The following ASAH2 variants were observed in gnomAD, a reference collection of about 807,000 sequenced individuals.
ASAH2 encodes neutral ceramidase.
Under a neutral mutation model 82.9 loss-of-function variants are expected in ASAH2, and 58 were observed. The observed-to-expected ratio is 0.70, with a 90% CI of 0.57 to 0.87. The LOEUF (loss-of-function observed/expected upper bound fraction) is 0.87, where lower values mean the gene tolerates loss of function less well. Ranked by LOEUF, ASAH2 falls within the 40% of genes least tolerant of loss-of-function variation. ASAH2 has a pLI of 0.00. For synonymous variants in ASAH2, 276 were observed against 289.7 expected (o/e 0.95, Z 0.48); for missense variants, 779 against 834.0 (o/e 0.93, Z 0.81).
intron 4 of ASAH2, among the ~76,000 whole-genome samples, chr10:50,239,939 C>T (rs1001178404): frequency 1.5e-4 from 23 of 150,222 alleles, no homozygotes; most frequent in Non-Finnish European, 2.8e-4. Context: ...AAGCCATTCT[C>T]CTGCCTTGGT....
In ASAH2 at chr10:50,204,970, C is replaced by T; in HGVS notation, c.1531-15G>A. 2 of 1,574,446 alleles carry T rather than the reference C, an allele frequency of 1.3e-6. No homozygotes were observed. Among genetic ancestry groups the T allele is most frequent in the South Asian group, 1.1e-5 (1 of 87,492 alleles). ...GGTTTTGATAGCTGAGAACCCAAAA[C>T]AAGAAAATTATGTTAGGGATAACAC... is the stretch of plus-strand genomic sequence containing the variant. On this transcript the variant is annotated splice_polypyrimidine_tract_variant and intron_variant, in intron 13 of 20. Coordinates refer to ENST00000682911, the MANE Select transcript of ASAH2 (RefSeq NM_019893.4).
Position 50,216,078 on chromosome 10 carries a change from A to C in ASAH2, c.1015-1210T>G, listed in dbSNP as rs980433331. Among the ~76,000 whole-genome samples the C allele has an allele frequency of 5.3e-5, 8 of 150,492 alleles. No individual in the cohort carries two copies. The East Asian group carries it at 1.6e-3, about 30-fold the overall frequency. ...ACACAAGAACAGAAAACCAAACACCACATGTTCTCATAAGTGGGAGTTGAA... is the reference window on the plus strand; with the variant it reads ...ACACAAGAACAGAAAACCAAACACCCCATGTTCTCATAAGTGGGAGTTGAA... On this transcript the variant is annotated intron_variant, in intron 8 of 20. Coordinates refer to ENST00000682911, the MANE Select transcript of ASAH2 (RefSeq NM_019893.4).
intron 8 of ASAH2, among the ~76,000 whole-genome samples, chr10:50,217,384 T>C (rs1383743098): frequency 1.3e-5 from 2 of 151,878 alleles, no homozygotes; most frequent in Admixed American, 6.6e-5. Context: ...CACACCACCA[T>C]GCCCGATTAA....
chr10:50,234,457 A>G lies in ASAH2; in HGVS notation c.783T>C (p.Ser261=), dbSNP rs753088422. The change falls in exon 6 of 21, where the codon TCT becomes TCC. Residue 261 remains serine (S), a synonymous_variant. Transcript: ENST00000682911. Reference sequence around the variant, plus strand: ...TCTCTGACTGCGGATTTTGAAGGTAAGAATACGGACTTCTGTTGATCTGCA... The same window carrying G: ...TCTCTGACTGCGGATTTTGAAGGTAGGAATACGGACTTCTGTTGATCTGCA... ...DGVQINRSPY[S]YLQNPQSERA... 1.1e-5 allele frequency: 17 copies of G among 1,612,956 alleles called. No individual in the cohort carries two copies. Among genetic ancestry groups the G allele is most frequent in the Non-Finnish European group, 1.4e-5 (17 of 1,179,308 alleles).
chr10:50,197,937 TAAATA>T (rs1845028680), intron 17 of ASAH2, among the ~76,000 whole-genome samples: 1 of 151,864 alleles, frequency 6.6e-6, no homozygotes, highest in African/African-American at 2.4e-5. Flanking sequence ...TAGAAATAAA[TAAATA>T]AATACAAACA....
At chr10:50,202,971 G>A (rs993133815) in intron 15 of ASAH2, 47 bp from the exon 16 acceptor site, 27 of 1,189,082 alleles carry the variant, frequency 2.3e-5, no homozygotes, top group Admixed American at 3.4e-5. Flanking sequence ...TCATCTTTAC[G>A]TATATTTTCA....
At chr10:50,227,344 TG>T (rs1311451222) in intron 7 of ASAH2, among the ~76,000 whole-genome samples, 140,602 of 152,164 alleles carry the variant, frequency 0.92, 65,983 homozygotes, top group East Asian at 1. Flanking sequence ...TACTTGTTTT[TG>T]CAGTGATGGA....
chr10:50,248,806 C>A (rs1162580204), intron 1 of ASAH2, among the ~76,000 whole-genome samples, 160 bp from the exon 2 acceptor site: 1 of 152,226 alleles, frequency 6.6e-6, no homozygotes, highest in Admixed American at 6.5e-5. Context: ...CAAGACCAAT[C>A]AATTACAGCA....
intron 10 of ASAH2, among the ~76,000 whole-genome samples, chr10:50,211,665 C>T (rs1589331749): frequency 6.6e-6 from 1 of 152,152 alleles, no homozygotes; most frequent in African/African-American, 2.4e-5. Flanking sequence ...TCAATTGATG[C>T]TTTTTCAATC....
chr10:50,203,765 T>C (rs1414233025), intron 14 of ASAH2, 86 bp from the exon 15 acceptor site: 6 of 1,103,208 alleles, frequency 5.4e-6, no homozygotes, highest in Non-Finnish European at 4.2e-6. Flanking sequence ...AGCCAAAAAA[T>C]TACCCTGGCT....
intron 2 of ASAH2, among the ~76,000 whole-genome samples, chr10:50,246,621 G>A (rs1321142986): frequency 6.6e-6 from 1 of 152,118 alleles, no homozygotes; most frequent in Non-Finnish European, 1.5e-5. Context: ...TGAGAAAACT[G>A]AAAGTCAGAA....
At chr10:50,206,239 TG>T (rs1845292764) in intron 12 of ASAH2, 142 bp from the exon 13 acceptor site, 1 of 713,120 alleles carries the variant, frequency 1.4e-6, no homozygotes, top group Non-Finnish European at 2.5e-6. Context: ...CCAAACAGTT[TG>T]AGTAATAGAA....
chr10:50,202,500 T>G (rs919294861), intron 16 of ASAH2, among the ~76,000 whole-genome samples: 49 of 152,186 alleles, frequency 3.2e-4, no homozygotes, highest in Middle Eastern at 3.4e-3. Flanking sequence ...TCTCCAGTGC[T>G]ACAGAGGCTT....
At chr10:50,247,771 C>T (rs983926904) in intron 2 of ASAH2, among the ~76,000 whole-genome samples, 1 of 152,078 alleles carries the variant, frequency 6.6e-6, no homozygotes, top group South Asian at 2.1e-4. Flanking sequence ...GAGGCTCCAC[C>T]AAGACCCACT....
At chr10:50,203,581 T>TAAGAGGG in intron 15 of ASAH2, 59 bp downstream of exon 15, 1 of 1,345,052 alleles carries the variant, frequency 7.4e-7, no homozygotes, top group Non-Finnish European at 1.1e-6. Context: ...AGGGATAGGA[T>TAAGAGGG]ATACTTTCCT....
intron 3 of ASAH2, among the ~76,000 whole-genome samples, chr10:50,243,742 C>A (rs1465005816): frequency 6.6e-6 from 1 of 152,150 alleles, no homozygotes; most frequent in Non-Finnish European, 1.5e-5. Context: ...TAAGGTACTA[C>A]AGGAAAAAAT....
In ASAH2 at chr10:50,244,415, C is replaced by A. The variant is rs374104883; in HGVS notation, c.360+807G>T. ...GCCCCCTCTACTGTTTGCATTACCC[C>A]TCCTGGGAGTGTTTATTTAGGGTTC... On this transcript the variant is annotated intron_variant, in intron 3 of 20. Transcript: ENST00000682911. Among the ~76,000 whole-genome samples, 8 of 152,340 alleles carry A rather than the reference C, an allele frequency of 5.3e-5. 1 individual carries two copies. Among genetic ancestry groups the A allele is most frequent in the African/African-American group, 1.4e-4 (6 of 41,570 alleles).
chr10:50,233,975 A>T (rs1366024253), intron 6 of ASAH2, among the ~76,000 whole-genome samples: 5 of 152,270 alleles, frequency 3.3e-5, no homozygotes, highest in Non-Finnish European at 5.9e-5. Context: ...GTGGACTAAG[A>T]TGATTTATTC....
chr10:50,199,140 G>T lies in ASAH2; in HGVS notation c.1768C>A (p.Arg590=), dbSNP rs1194660932. ...ITTYEEYQAQ[R]YEAASTIYGP... ...TAAATTGTCGATGCTGCCTCATATC[G>T]CTGAGCCTGCAGGAAAGGCAGGGAG... is the stretch of plus-strand genomic sequence containing the variant. The change falls in exon 17 of 21, where the codon CGA becomes AGA. Residue 590 remains arginine (R), a synonymous_variant. Coordinates refer to ENST00000682911, the MANE Select transcript of ASAH2 (RefSeq NM_019893.4). 8 of 1,612,962 alleles carry T rather than the reference G, an allele frequency of 5.0e-6. No individual in the cohort carries two copies. The highest frequency in any genetic ancestry group is 1.7e-5 in the Admixed American group (1 of 59,910).
Sources: allele counts gnomAD v4.1 joint callset (sites outside exome capture counted in the v4.1 genomes callset), GRCh38; gene constraint gnomAD v4.1.1; transcripts MANE v1.5; gene names NCBI Gene and HGNC (gene_info 2026-07-23, HGNC 2026-07-21).